The following UGGT1 variants were observed in gnomAD, a reference collection of about 807,000 sequenced individuals.
UGGT1 encodes the protein UDP-glucose:glycoprotein glucosyltransferase 1.
A neutral mutation model predicts 203.9 loss-of-function variants in UGGT1; 107 were observed. The observed-to-expected ratio is 0.52, with a 90% confidence interval of 0.45 to 0.62. The LOEUF (loss-of-function observed/expected upper bound fraction) is 0.62. Ranked by LOEUF, UGGT1 falls within the 20% of genes least tolerant of loss-of-function variation. The pLI is 0.00. For missense variants in UGGT1, 1,673 were observed against 1,867.2 expected (o/e 0.90, Z 1.92); for synonymous variants, 628 against 653.5 (o/e 0.96, Z 0.59).
At chr2:128,110,716 A>G (rs1025215026) in intron 5 of UGGT1, among the ~76,000 whole-genome samples, 7 of 152,240 alleles carry the variant, frequency 4.6e-5, no homozygotes, top group African/African-American at 1.2e-4. Context: ...ACTTTTTTCT[A>G]TGGTTTTAAA....
chr2:128,111,379 G>A lies in UGGT1; in HGVS notation c.521+1633G>A, dbSNP rs145038892. ...CCAAAACAAAAACAGAAACAAAAAC[G>A]TCCATTAGGAAGATCATAGTAGTAA... On this transcript the variant is annotated intron_variant, in intron 5 of 40. Coordinates refer to ENST00000259253, the MANE Select transcript of UGGT1 (RefSeq NM_020120.4). 2.2e-3 allele frequency among the ~76,000 whole-genome samples: 339 copies of A among 152,188 alleles called. 2 individuals are homozygous for A. Among genetic ancestry groups the A allele is most frequent in the African/African-American group, 7.5e-3 (313 of 41,524 alleles).
At chr2:128,112,022 C>G (rs1001430823) in intron 5 of UGGT1, among the ~76,000 whole-genome samples, 3 of 151,464 alleles carry the variant, frequency 2.0e-5, no homozygotes, top group East Asian at 2.0e-4. Flanking sequence ...CCTGTAGTCC[C>G]TCCTTGAGCT....
chr2:128,146,288 G>T (rs35615728), intron 18 of UGGT1, among the ~76,000 whole-genome samples: 26,038 of 151,938 alleles, frequency 0.17, 2,660 homozygotes, highest in South Asian at 0.32. Flanking sequence ...CCCAGCCTGG[G>T]TGATGGAGTG....
In UGGT1 at chr2:128,152,854, A is replaced by G. The variant is rs1353238128; in HGVS notation, c.2087A>G (p.Asn696Ser). The change falls in exon 19 of 41, where the codon AAT becomes AGT. Residue 696 changes from asparagine (N) to serine (S), a missense_variant. By Grantham distance (46) the Asn-to-Ser change is conservative. Coordinates refer to ENST00000259253, the MANE Select transcript of UGGT1 (RefSeq NM_020120.4). ...CAGCCAAATGTTGTTCCACGAATCA[A>G]TTCTAGGATTTTGACAGCTGAACGA... ...MNQPNVVPRI[N>S]SRILTAERDY... is the part of the protein sequence containing the mutation. The G allele has an allele frequency of 1.9e-6, 3 of 1,614,074 alleles. No homozygotes were observed. Among genetic ancestry groups the G allele is most frequent in the Non-Finnish European group, 2.5e-6 (3 of 1,179,992 alleles).
At chr2:128,095,834 A>G (rs1687094545) in intron 1 of UGGT1, among the ~76,000 whole-genome samples, 1 of 152,170 alleles carries the variant, frequency 6.6e-6, no homozygotes, top group African/African-American at 2.4e-5. Flanking sequence ...AAAAGCAGCT[A>G]TTGACTAGTC....
At position 128,138,770 on chromosome 2, in the gene UGGT1, A is replaced by T. The variant is rs1473297400; in HGVS notation, c.1637A>T (p.Asp546Val). 6 of 1,614,038 alleles carry T rather than the reference A, an allele frequency of 3.7e-6. No individual in the cohort carries two copies. In the South Asian group the frequency reaches 5.5e-5, roughly 15 times the overall value. Residue 546 changes from aspartate (D) to valine (V), a missense_variant, in exon 16 of 41, where the codon GAT becomes GTT. This residue lies in a region of UGGT1 where 1,073 missense variants were observed against 1,078.7 expected (regional missense o/e 0.99). Coordinates refer to ENST00000259253, the MANE Select transcript of UGGT1 (RefSeq NM_020120.4). ...NDSEDVDGMQ[D>V]AGVAVLRAYN... The stretch of plus-strand genomic sequence containing the variant: ...TCTGAAGATGTTGATGGGATGCAAG[A>T]TGCTGGAGTGGCTGTTCTTAGAGCA...
At chr2:128,181,814 A>G (rs1691704696) in intron 36 of UGGT1, among the ~76,000 whole-genome samples, 1 of 152,216 alleles carries the variant, frequency 6.6e-6, no homozygotes, top group Non-Finnish European at 1.5e-5. Context: ...TAATCCTCCC[A>G]GCAACCCTGT....
intron 36 of UGGT1, 48 bp from the exon 37 acceptor site, chr2:128,182,082 A>C: frequency 5.0e-6 from 8 of 1,588,148 alleles, no homozygotes; most frequent in East Asian, 2.2e-5. Context: ...AAACCGCATT[A>C]GAGCTGTCTG....
chr2:128,106,028 C>A (rs1687590788), intron 3 of UGGT1, among the ~76,000 whole-genome samples: 1 of 151,866 alleles, frequency 6.6e-6, no homozygotes, highest in East Asian at 1.9e-4. Context: ...CTCCTGGCCT[C>A]AAGACATCCC....
chr2:128,174,561 G>A (rs750372994), intron 30 of UGGT1, among the ~76,000 whole-genome samples: 2 of 152,032 alleles, frequency 1.3e-5, no homozygotes, highest in Admixed American at 1.3e-4. Context: ...GTGGTCTCCC[G>A]AAGTGCTGGG....
chr2:128,170,694 GATAAA>G (rs1410213334), intron 27 of UGGT1, among the ~76,000 whole-genome samples: 2 of 152,154 alleles, frequency 1.3e-5, no homozygotes, highest in Non-Finnish European at 2.9e-5. Flanking sequence ...TAATATCAGA[GATAAA>G]ATAAATATGT....
At chr2:128,141,066 A>T (rs1454148760) in intron 16 of UGGT1, among the ~76,000 whole-genome samples, 3 of 151,994 alleles carry the variant, frequency 2.0e-5, no homozygotes, top group Admixed American at 6.6e-5. Context: ...GCTCACACCT[A>T]TAATTCCAGC....
At chr2:128,175,847 A>G (rs1691343133) in intron 31 of UGGT1, among the ~76,000 whole-genome samples, 1 of 152,214 alleles carries the variant, frequency 6.6e-6, no homozygotes, top group Non-Finnish European at 1.5e-5. Context: ...TCTCTGCTAG[A>G]TGACAGCAAA....
At chr2:128,145,539 T>A in intron 17 of UGGT1, 2 of 337,864 alleles carry the variant, frequency 5.9e-6, no homozygotes, top group Non-Finnish European at 5.5e-6. Flanking sequence ...CAAACACACG[T>A]ACACACACAC....
intron 1 of UGGT1, 76 bp downstream of exon 1, chr2:128,091,491 C>G: frequency 2.0e-6 from 3 of 1,520,194 alleles, no homozygotes; most frequent in Non-Finnish European, 2.7e-6. Flanking sequence ...GTGCCCCTGT[C>G]ACATTGAGCT....
At chr2:128,187,928 C>G (rs1030665300) in intron 40 of UGGT1, among the ~76,000 whole-genome samples, 1 of 142,698 alleles carries the variant, frequency 7.0e-6, no homozygotes, top group East Asian at 2.0e-4. Context: ...TTGCAGAGTT[C>G]TTCTTAGATT....
intron 11 of UGGT1, among the ~76,000 whole-genome samples, chr2:128,124,268 A>G (rs562219194): frequency 6.6e-6 from 1 of 152,118 alleles, no homozygotes; most frequent in South Asian, 2.1e-4. Flanking sequence ...GTTTTTATTG[A>G]TAGCTCGTTA....
intron 2 of UGGT1, 28 bp downstream of exon 2, chr2:128,097,592 G>C (rs763942858): frequency 6.2e-7 from 1 of 1,611,782 alleles, no homozygotes; most frequent in Admixed American, 1.7e-5. Flanking sequence ...TTCCCTTCGT[G>C]TATTTGAGTA....
chr2:128,113,056 G>T, intron 5 of UGGT1, 28 bp from the exon 6 acceptor site: 1 of 1,454,390 alleles, frequency 6.9e-7, no homozygotes, highest in Non-Finnish European at 9.1e-7. Context: ...TATTTTTAAA[G>T]TTTTGAGCTT....
Sources: gnomAD v4.1 joint callset for allele counts (sites outside exome capture counted in the v4.1 genomes callset) on GRCh38, gnomAD v4.1.1 for gene constraint, gnomAD v4.1.1 regional missense constraint, MANE v1.5 for transcripts, NCBI Gene and HGNC (gene_info 2026-07-23, HGNC 2026-07-21) for gene names.